The following MPRIP variants were observed in gnomAD, a reference collection of about 807,000 sequenced individuals.
The protein encoded by MPRIP is myosin phosphatase Rho interacting protein.
Under a neutral mutation model 234.9 loss-of-function variants are expected in MPRIP, and 59 were observed. The ratio of observed to expected loss-of-function variants is 0.25; its 90% confidence interval spans 0.20 to 0.31. The LOEUF (loss-of-function observed/expected upper bound fraction) is 0.31, where lower values mean the gene tolerates loss of function less well. Ranked by LOEUF, MPRIP falls within the 10% of genes least tolerant of loss-of-function variation. The pLI, the probability that MPRIP is intolerant of heterozygous loss-of-function variation, is 1.00. For synonymous variants in MPRIP, 1,144 were observed against 1,263.9 expected (o/e 0.91, Z 2.01); for missense variants, 2,436 against 3,071.0 (o/e 0.79, Z 4.89).
In MPRIP at chr17:17,166,669, C is replaced by T; in HGVS notation, c.5078C>T (p.Thr1693Ile). ...CGCAGGCTACAGAGCATCCAGGAGA[C>T]CCTGCGGGGCACCCAGACGGCCCTG... ...FHRRLQSIQE[T>I]LRGTQTALRQ... The change falls in exon 16 of 24, where the codon ACC becomes ATC. Residue 1693 changes from threonine to isoleucine, a missense_variant. By Grantham distance (89) the Thr-to-Ile change is moderately conservative. This residue lies in a region of MPRIP where 1,998 missense variants were observed against 2,520.3 expected (regional missense o/e 0.79). Transcript: ENST00000651222. This position sits in a 1 kb window ranked among gnomAD's most constrained non-coding sequence, Gnocchi z 4.4. 7.7e-7 allele frequency: 1 copy of T among 1,304,090 alleles called. No individual in the cohort carries two copies. Among genetic ancestry groups the T allele is most frequent in the Non-Finnish European group, 1.0e-6 (1 of 988,966 alleles). The allele number at this position is 1,304,090 out of a possible 1,614,324, so 80.8% of individuals were successfully genotyped here.
Position 17,150,139 on chromosome 17 carries a change from G to T in MPRIP, c.1630-5G>T, listed in dbSNP as rs527581193. 1.2e-5 allele frequency: 20 copies of T among 1,610,618 alleles called. No homozygotes were observed. Among genetic ancestry groups the T allele is most frequent in the South Asian group, 8.8e-5 (8 of 90,942 alleles). On this transcript the variant is annotated splice_region_variant and splice_polypyrimidine_tract_variant and intron_variant, in intron 11 of 23. Transcript: ENST00000651222. Reference sequence around the variant, plus strand: ...ATCTCAAGACATTCTCACTTCCCTCGGCAGGCAGCCGACTTGGATGGAGAA... The same window carrying T: ...ATCTCAAGACATTCTCACTTCCCTCTGCAGGCAGCCGACTTGGATGGAGAA...
chr17:17,136,173 C>G, intron 5 of MPRIP, 46 bp from the exon 6 acceptor site: 1 of 1,609,930 alleles, frequency 6.2e-7, no homozygotes, highest in Non-Finnish European at 8.5e-7. Context: ...CCAACCTGAG[C>G]TGTGTGCTCC....
chr17:17,136,825 C>T (rs891213935), intron 6 of MPRIP, among the ~76,000 whole-genome samples: 1 of 152,252 alleles, frequency 6.6e-6, no homozygotes, highest in Non-Finnish European at 1.5e-5. Context: ...TGCAGTCAGT[C>T]TCATCCCTCT....
intron 3 of MPRIP, among the ~76,000 whole-genome samples, chr17:17,091,314 C>G (rs1011305599): frequency 1.3e-5 from 2 of 152,058 alleles, no homozygotes; most frequent in South Asian, 4.1e-4. Context: ...ATCATCTAGT[C>G]CAGCCCTCAC....
At chr17:17,113,092 G>A (rs1382265391) in intron 3 of MPRIP, among the ~76,000 whole-genome samples, 4 of 152,192 alleles carry the variant, frequency 2.6e-5, no homozygotes, top group Admixed American at 2.6e-4. Context: ...TGCCCTGGGG[G>A]GTGGCAACTT....
rs1597547106 is a variant in MPRIP at position 17,189,307 on chromosome 17, G to C, written c.*4413G>C. ...AGGTTCATGCCATTCTCCTGCCTCA[G>C]CCTCCCGAGTAGCTGGGACTACAGG... On this transcript the variant is annotated 3_prime_UTR_variant, in exon 24 of 24. Coordinates refer to ENST00000651222, the MANE Select transcript of MPRIP (RefSeq NM_001364716.4). The C allele has an allele frequency of 6.6e-6, 1 of 152,206 alleles. No homozygotes were observed. Among genetic ancestry groups the C allele is most frequent in the Non-Finnish European group, 1.5e-5 (1 of 68,116 alleles). 9.4% of individuals were successfully genotyped at this position (152,206 alleles called of 1,614,324 possible). A position where few individuals can be genotyped will look rare whatever the true frequency, so the allele number is the denominator to read the frequency against.
chr17:17,109,183 C>T (rs1385724056), intron 3 of MPRIP, among the ~76,000 whole-genome samples: 1 of 152,180 alleles, frequency 6.6e-6, no homozygotes, highest in Non-Finnish European at 1.5e-5. Flanking sequence ...TCCGTTCTGC[C>T]CACTGCTGAG....
chr17:17,166,240 A>G lies in MPRIP; in HGVS notation c.4649A>G (p.Gln1550Arg). The G allele has an allele frequency of 7.7e-7, 1 of 1,303,994 alleles. No homozygotes were observed. The highest frequency in any genetic ancestry group is 1.0e-6 in the Non-Finnish European group (1 of 988,824). The allele number at this position is 1,303,994 out of a possible 1,614,324, so 80.8% of individuals were successfully genotyped here. The change falls in exon 16 of 24, where the codon CAG becomes CGG. Residue 1550 changes from glutamine to arginine, a missense_variant. Gln to Arg is a conservative substitution (Grantham distance 43). Transcript: ENST00000651222. The surrounding 1 kb of genome is among the most constrained non-coding windows in gnomAD (Gnocchi z 4.4). Reference sequence around the variant, plus strand: ...AATGGGAAGCCTGCCTCCCTGCAGCAGTGCTCCCAGTCTGAGTTGACAGAG... The same window carrying G: ...AATGGGAAGCCTGCCTCCCTGCAGCGGTGCTCCCAGTCTGAGTTGACAGAG... Reference protein sequence around the residue: ...EENGKPASLQQCSQSELTEQE... With the variant: ...EENGKPASLQRCSQSELTEQE...
chr17:17,123,721 A>AAAAG (rs1410981938), intron 3 of MPRIP, among the ~76,000 whole-genome samples: 17 of 150,886 alleles, frequency 1.1e-4, no homozygotes, highest in East Asian at 9.8e-4. Flanking sequence ...AAAAAAAAAA[A>AAAAG]AAAGAAAGAA....
In MPRIP at chr17:17,111,107, T is replaced by C. The variant is rs1171053197; in HGVS notation, c.268-15595T>C. Among the ~76,000 whole-genome samples, 3 of 149,162 alleles carry C rather than the reference T, an allele frequency of 2.0e-5. No homozygotes were observed. In the East Asian group the frequency reaches 5.9e-4, roughly 29 times the overall value. On this transcript the variant is annotated intron_variant, in intron 3 of 23. Transcript: ENST00000651222. ...ACTCTTGTCTTCTTTTCTGTAAATG[T>C]GAATCTATTCTGAAATTAAAAGGTT...
rs1214050226 is a variant in MPRIP, at chr17:17,185,748, TG to T, written c.*857del. On this transcript the variant is annotated 3_prime_UTR_variant, in exon 24 of 24. Coordinates refer to ENST00000651222, the MANE Select transcript of MPRIP (RefSeq NM_001364716.4). Reference sequence around the variant, plus strand: ...CAAAATGGGGGAAGGTTTGGGGGTTTGGGTTTTTTTTTTACCTTTTGGAAAA... The same window carrying T: ...CAAAATGGGGGAAGGTTTGGGGGTTTGGTTTTTTTTTTACCTTTTGGAAAA... 1.5e-5 allele frequency: 5 copies of T among 342,178 alleles called. No individual in the cohort carries two copies. The highest frequency in any genetic ancestry group is 2.9e-5 in the Non-Finnish European group (5 of 173,788). 21.2% of individuals were successfully genotyped at this position (342,178 alleles called of 1,614,324 possible). A position where few individuals can be genotyped will look rare whatever the true frequency, so the allele number is the denominator to read the frequency against.
At position 17,184,954 on chromosome 17, in the gene MPRIP, G is replaced by T. The variant is rs1251627942; in HGVS notation, c.*60G>T. On this transcript the variant is annotated 3_prime_UTR_variant, in exon 24 of 24. Coordinates refer to ENST00000651222, the MANE Select transcript of MPRIP (RefSeq NM_001364716.4). ...CAGCTTGCAGCAGCACACCCCAAGC[G>T]CTGCTTTTCACCTGTACCTTTGTTT... is the stretch of plus-strand genomic sequence containing the variant. 6 of 1,111,690 alleles carry T rather than the reference G, an allele frequency of 5.4e-6. No homozygotes were observed. The highest frequency in any genetic ancestry group is 6.9e-6 in the Non-Finnish European group (5 of 726,358). 68.9% of individuals were successfully genotyped at this position (1,111,690 alleles called of 1,614,324 possible).
intron 13 of MPRIP, among the ~76,000 whole-genome samples, chr17:17,156,213 C>CA (rs2045725611): frequency 6.6e-6 from 1 of 152,236 alleles, no homozygotes; most frequent in Admixed American, 6.5e-5. Flanking sequence ...CCTGTGCCTG[C>CA]ACACAGCTCA....
chr17:17,137,843 T>A, intron 6 of MPRIP, 73 bp from the exon 7 acceptor site: 95 of 1,169,792 alleles, frequency 8.1e-5, no homozygotes, highest in Admixed American at 1.3e-4. Flanking sequence ...ACATGGGCTT[T>A]AAAAAAAAAA....
At chr17:17,121,517 T>C (rs1041455573) in intron 3 of MPRIP, among the ~76,000 whole-genome samples, 1 of 152,168 alleles carries the variant, frequency 6.6e-6, no homozygotes, top group East Asian at 1.9e-4. Context: ...TTTGCAGCAG[T>C]GCGTGGTATT....
Position 17,131,581 on chromosome 17 carries a change from G to A in MPRIP, c.420-36G>A, listed in dbSNP as rs756018870. On this transcript the variant is annotated intron_variant, in intron 4 of 23. Transcript: ENST00000651222. Reference sequence around the variant, plus strand: ...GGGCTCCTAGTCCCCGAGTGCCAGGGTCTTACCTGGTACTTGTCTCCTTTT... The same window carrying A: ...GGGCTCCTAGTCCCCGAGTGCCAGGATCTTACCTGGTACTTGTCTCCTTTT... 4.4e-5 allele frequency: 69 copies of A among 1,580,286 alleles called. No homozygotes were observed. In the Admixed American group the frequency reaches 1.1e-3, roughly 26 times the overall value.
chr17:17,087,178 C>T (rs1332987124), intron 3 of MPRIP, among the ~76,000 whole-genome samples: 1 of 152,116 alleles, frequency 6.6e-6, no homozygotes, highest in Non-Finnish European at 1.5e-5. Context: ...TTGGGGGTTC[C>T]CACTGTGACC....
intron 7 of MPRIP, chr17:17,142,353 TG>T: frequency 8.3e-6 from 3 of 359,556 alleles, no homozygotes; most frequent in Non-Finnish European, 1.5e-5. Flanking sequence ...GGTGCCAAGC[TG>T]TGTGAATGCC....
intron 8 of MPRIP, 102 bp downstream of exon 8, chr17:17,142,867 C>A: frequency 1.5e-6 from 2 of 1,344,258 alleles, no homozygotes; most frequent in Non-Finnish European, 2.0e-6. Context: ...GGATGTGCTC[C>A]TGCCAGGCTT....
Sources: allele counts gnomAD v4.1 joint callset (sites outside exome capture counted in the v4.1 genomes callset), GRCh38; gene constraint gnomAD v4.1.1; regional missense constraint gnomAD v4.1.1; non-coding constraint Gnocchi (gnomAD v3.1); transcripts MANE v1.5; gene names NCBI Gene and HGNC (gene_info 2026-07-23, HGNC 2026-07-21).